The following FHL2 variants were observed in gnomAD, a reference collection of about 807,000 sequenced individuals.
FHL2 encodes four and a half LIM domains protein 2.
In FHL2, 20 loss-of-function variants were observed where a neutral mutation model predicts 32.7. The observed-to-expected ratio is 0.61, with a 90% CI of 0.43 to 0.89. The LOEUF (loss-of-function observed/expected upper bound fraction) is 0.89, where lower values mean the gene tolerates loss of function less well. FHL2 is among the 40% of genes least tolerant of loss of function. FHL2 has a pLI of 0.00. For synonymous variants in FHL2, 123 were observed against 128.1 expected (o/e 0.96, Z 0.27); for missense variants, 311 against 358.6 (o/e 0.87, Z 1.07).
chr2:105,437,228 G>T (rs527403697), intron 1 of FHL2, among the ~76,000 whole-genome samples: 2 of 152,160 alleles, frequency 1.3e-5, no homozygotes, highest in Admixed American at 1.3e-4. Flanking sequence ...CATTTGAGTG[G>T]ATTAGTCACC....
chr2:105,420,856 G>C (rs1021974923), intron 1 of FHL2, among the ~76,000 whole-genome samples: 1 of 152,190 alleles, frequency 6.6e-6, no homozygotes, highest in African/African-American at 2.4e-5. Flanking sequence ...AGGAGGTGGA[G>C]CTCAGTGGGG....
chr2:105,369,445 T>G (rs1680865757), intron 4 of FHL2, among the ~76,000 whole-genome samples: 1 of 152,206 alleles, frequency 6.6e-6, no homozygotes, highest in South Asian at 2.1e-4. Context: ...TTTCTCAGCT[T>G]CCTGTACTTC....
At chr2:105,365,807 TGTACTA>T in intron 5 of FHL2, among the ~76,000 whole-genome samples, 1 of 151,646 alleles carries the variant, frequency 6.6e-6, no homozygotes, top group South Asian at 2.1e-4. Context: ...ATCATGCCAC[TGTACTA>T]CAGCCCAGGT....
At chr2:105,384,363 C>T (rs904625437) in intron 3 of FHL2, among the ~76,000 whole-genome samples, 3 of 152,178 alleles carry the variant, frequency 2.0e-5, no homozygotes, top group South Asian at 2.1e-4. Flanking sequence ...GGACGTGTCA[C>T]GAAAAGAATA....
In FHL2 at chr2:105,367,742, G is replaced by A. The variant is rs1474777232; in HGVS notation, c.332-3C>T. 4 of 1,612,700 alleles carry A rather than the reference G, an allele frequency of 2.5e-6. No individual in the cohort carries two copies. In the East Asian group the frequency reaches 8.9e-5, roughly 36 times the overall value. On this transcript the variant is annotated splice_polypyrimidine_tract_variant and splice_region_variant and intron_variant, in intron 4 of 6. Coordinates refer to ENST00000530340, the MANE Select transcript of FHL2 (RefSeq NM_001318895.3). Reference sequence around the variant, plus strand: ...CTTGTACTCCATCTTGCGGGTACCTGTCATCAGGGTCAAGAGGAACACAGC... The same window carrying A: ...CTTGTACTCCATCTTGCGGGTACCTATCATCAGGGTCAAGAGGAACACAGC...
chr2:105,434,196 A>G (rs1371238995), intron 1 of FHL2, among the ~76,000 whole-genome samples: 2 of 152,248 alleles, frequency 1.3e-5, no homozygotes, highest in African/African-American at 4.8e-5. Flanking sequence ...TGTCATTCAA[A>G]CCATGCTGTC....
At position 105,363,370 on chromosome 2, in the gene FHL2, T is replaced by A; in HGVS notation, c.603A>T (p.Thr201=). 1 of 1,614,148 alleles carries A rather than the reference T, an allele frequency of 6.2e-7. No homozygotes were observed. The highest frequency in any genetic ancestry group is 8.5e-7 in the Non-Finnish European group (1 of 1,180,036). ...CRKQLSGQRF[T]ARDDFAYCLN... ...GGCAGTAGGCAAAGTCATCGCGAGC[T>A]GTGAAGCGCTGCCCAGACAGCTGCT... is the stretch of plus-strand genomic sequence containing the variant. The change falls in exon 6 of 7, where the codon ACA becomes ACT. Residue 201 remains threonine, a synonymous_variant. Transcript: ENST00000530340.
chr2:105,437,609 T>G (rs1410829524), intron 1 of FHL2, among the ~76,000 whole-genome samples: 1 of 152,218 alleles, frequency 6.6e-6, no homozygotes, highest in Non-Finnish European at 1.5e-5. Flanking sequence ...AAAAATAAAC[T>G]GGACTGACAA....
intron 3 of FHL2, among the ~76,000 whole-genome samples, chr2:105,384,542 C>G (rs1391420717): frequency 6.6e-6 from 1 of 152,116 alleles, no homozygotes; most frequent in African/African-American, 2.4e-5. Context: ...GAGTCTTACT[C>G]TGTGTCCCAG....
At chr2:105,412,545 C>A (rs991205363) in intron 1 of FHL2, among the ~76,000 whole-genome samples, 2 of 152,124 alleles carry the variant, frequency 1.3e-5, no homozygotes, top group Non-Finnish European at 2.9e-5. Flanking sequence ...ACATAGGGGT[C>A]ATTAGCCAAA....
At chr2:105,404,031 A>G (rs1347983818), upstream of FHL2, among the ~76,000 whole-genome samples, 1 of 152,166 alleles carries the variant, frequency 6.6e-6, no homozygotes, top group East Asian at 1.9e-4. Flanking sequence ...GGCTAGACCC[A>G]TCTGTGCAGG....
intron 2 of FHL2, among the ~76,000 whole-genome samples, chr2:105,389,715 G>A (rs1215821753): frequency 6.6e-6 from 1 of 152,172 alleles, no homozygotes; most frequent in Admixed American, 6.5e-5. Context: ...AACTTGAAAG[G>A]CCGTCTGTGT....
In FHL2 at chr2:105,373,690, T is replaced by C; in HGVS notation, c.200A>G (p.His67Arg). 6.2e-7 allele frequency: 1 copy of C among 1,614,130 alleles called. No homozygotes were observed. The change falls in exon 4 of 7, where the codon CAC (histidine) becomes CGC (arginine). Residue 67 changes from histidine to arginine, a missense_variant. By Grantham distance (29) the His-to-Arg change is conservative. Transcript: ENST00000530340. ...KDRHWHEACF[H>R]CSQCRNSLVD... ...CAGTGAGTTTCTGCACTGCGAGCAG[T>C]GGAAACAGGCTTCATGCCAGTGCCG... is the stretch of plus-strand genomic sequence containing the variant.
Position 105,367,206 on chromosome 2 carries a change from C to G in FHL2, c.501+364G>C, listed in dbSNP as rs537331446. 2.6e-5 allele frequency among the ~76,000 whole-genome samples: 4 copies of G among 152,352 alleles called. No individual in the cohort carries two copies. In the East Asian group the frequency reaches 7.7e-4, roughly 29 times the overall value. ...CTCTTCCTTCCATCTTTCTCTCCCTCTCAAGTTTGCAGTTGTTTTCTTGTT... is the reference window on the plus strand; with the variant it reads ...CTCTTCCTTCCATCTTTCTCTCCCTGTCAAGTTTGCAGTTGTTTTCTTGTT... On this transcript the variant is annotated intron_variant, in intron 5 of 6. Transcript: ENST00000530340.
At chr2:105,390,798 ATTT>A (rs66618223) in intron 2 of FHL2, among the ~76,000 whole-genome samples, 4 of 143,086 alleles carry the variant, frequency 2.8e-5, no homozygotes, top group Non-Finnish European at 1.5e-5. Flanking sequence ...TATAACTTGC[ATTT>A]TTTTTTTTTT....
At chr2:105,434,762 G>A (rs1004630460) in intron 1 of FHL2, among the ~76,000 whole-genome samples, 2 of 151,958 alleles carry the variant, frequency 1.3e-5, no homozygotes, top group African/African-American at 4.8e-5. Flanking sequence ...TGGATATAAT[G>A]ATCTTTCAAT....
chr2:105,436,788 A>G (rs1684626511), intron 1 of FHL2, among the ~76,000 whole-genome samples: 1 of 152,118 alleles, frequency 6.6e-6, no homozygotes, highest in African/African-American at 2.4e-5. Flanking sequence ...ATGATTTTCC[A>G]TTTTCTTCTT....
At chr2:105,393,715 A>G (rs1345855675) in intron 2 of FHL2, among the ~76,000 whole-genome samples, 1 of 152,238 alleles carries the variant, frequency 6.6e-6, no homozygotes, top group Non-Finnish European at 1.5e-5. Context: ...TCAAGCATGA[A>G]AAATTAGAAA....
At chr2:105,423,798 G>T (rs1424495991) in intron 1 of FHL2, among the ~76,000 whole-genome samples, 2 of 152,160 alleles carry the variant, frequency 1.3e-5, no homozygotes, top group African/African-American at 2.4e-5. Context: ...TTATATAAAT[G>T]GTGTTGGGAA....
Sources: allele counts gnomAD v4.1 joint callset (sites outside exome capture counted in the v4.1 genomes callset), GRCh38; gene constraint gnomAD v4.1.1; transcripts MANE v1.5; gene names NCBI Gene and HGNC (gene_info 2026-07-23, HGNC 2026-07-21).